The following ZFPM2 variants were observed in gnomAD, a reference collection of about 807,000 sequenced individuals.
The protein encoded by ZFPM2 is zinc finger protein ZFPM2.
In ZFPM2, 20 loss-of-function variants were observed where a neutral mutation model predicts 98.6. The observed-to-expected ratio is 0.20, with a 90% CI of 0.14 to 0.29. ZFPM2 has a LOEUF of 0.29. Among genes scored for constraint, ZFPM2 ranks in the 10% least tolerant of loss-of-function variants. ZFPM2 has a pLI of 1.00. For synonymous variants in ZFPM2, 518 were observed against 502.7 expected (o/e 1.03, Z -0.41); for missense variants, 1,310 against 1,388.6 (o/e 0.94, Z 0.90).
rs141084288 is a variant in ZFPM2 at position 105,388,973 on chromosome 8, A to G, written c.41-30171A>G. On this transcript the variant is annotated intron_variant, in intron 1 of 7. Coordinates refer to ENST00000407775, the MANE Select transcript of ZFPM2 (RefSeq NM_012082.4). ...AGGAGAGAACGTGCACATACAGAGG[A>G]GAGAGCTAATTTAGAAAACAAAACC... 5.3e-5 allele frequency among the ~76,000 whole-genome samples: 8 copies of G among 151,748 alleles called. No individual in the cohort carries two copies. The East Asian group carries it at 1.6e-3, about 30-fold the overall frequency.
At chr8:105,390,479 A>T (rs1437686482) in intron 1 of ZFPM2, among the ~76,000 whole-genome samples, 1 of 152,144 alleles carries the variant, frequency 6.6e-6, no homozygotes, top group Non-Finnish European at 1.5e-5. Context: ...GTGCTCACTA[A>T]CCAGGAAGCT....
chr8:105,374,303 A>G (rs1402044661), intron 1 of ZFPM2, among the ~76,000 whole-genome samples: 1 of 152,214 alleles, frequency 6.6e-6, no homozygotes, highest in Non-Finnish European at 1.5e-5. Flanking sequence ...AAGATACACA[A>G]CTTGCTAGAT....
intron 1 of ZFPM2, among the ~76,000 whole-genome samples, chr8:105,357,822 A>G (rs1014655175): frequency 2.0e-5 from 3 of 152,184 alleles, no homozygotes; most frequent in African/African-American, 7.2e-5. Context: ...TAACCATAGA[A>G]TGATGATGCC....
intron 3 of ZFPM2, among the ~76,000 whole-genome samples, chr8:105,486,992 A>G (rs1813241556): frequency 6.6e-6 from 1 of 152,176 alleles, no homozygotes; most frequent in Admixed American, 6.5e-5. Context: ...ATAAACTCAC[A>G]AGTCTGATGA....
intron 1 of ZFPM2, among the ~76,000 whole-genome samples, chr8:105,401,373 A>T (rs1362168717): frequency 6.6e-6 from 1 of 152,086 alleles, no homozygotes; most frequent in Non-Finnish European, 1.5e-5. Context: ...ATTCTGCTTG[A>T]TGTTTAAAAA....
At chr8:105,387,737 A>C (rs1465602685) in intron 1 of ZFPM2, 7 of 155,130 alleles carry the variant, frequency 4.5e-5, no homozygotes, top group Non-Finnish European at 8.5e-5. Flanking sequence ...AAGGGGCTCC[A>C]CCGTGCAGCG....
intron 3 of ZFPM2, among the ~76,000 whole-genome samples, chr8:105,558,562 A>G (rs1468033789): frequency 1.3e-5 from 2 of 152,184 alleles, no homozygotes; most frequent in African/African-American, 2.4e-5. Context: ...ATCACTTTAC[A>G]ATCTGCCCCA....
intron 3 of ZFPM2, among the ~76,000 whole-genome samples, chr8:105,462,811 A>G (rs755320180): frequency 2.0e-5 from 3 of 152,018 alleles, no homozygotes; most frequent in Non-Finnish European, 4.4e-5. Flanking sequence ...TAATTTCTGA[A>G]TGGCCAAAGA....
intron 4 of ZFPM2, among the ~76,000 whole-genome samples, chr8:105,588,880 G>T (rs1019356855): frequency 6.6e-6 from 1 of 152,194 alleles, no homozygotes; most frequent in Non-Finnish European, 1.5e-5. Flanking sequence ...CTGATGATGA[G>T]TAGGCTTGGT....
At position 105,788,801 on chromosome 8, in the gene ZFPM2, C is replaced by T. The variant is rs533282580; in HGVS notation, c.616C>T (p.Leu206=). ...CTTTGTGGTGGATTTTGACTCAAGG[C>T]TACAAGCTGCCAGTCAGATGACTCT... is the stretch of plus-strand genomic sequence containing the variant. ...IAFVVDFDSR[L]QAASQMTLTE... Residue 206 remains leucine, a synonymous_variant, in exon 6 of 8, where the codon CTA becomes TTA. Coordinates refer to ENST00000407775, the MANE Select transcript of ZFPM2 (RefSeq NM_012082.4). 2.5e-6 allele frequency: 4 copies of T among 1,613,970 alleles called. No individual in the cohort carries two copies. The Admixed American group carries it at 5.0e-5, about 20-fold the overall frequency.
intron 5 of ZFPM2, among the ~76,000 whole-genome samples, chr8:105,685,243 A>C (rs1810704821): frequency 6.6e-6 from 1 of 152,112 alleles, no homozygotes; most frequent in African/African-American, 2.4e-5. Context: ...CTGAATTTTC[A>C]ATTTTAACTA....
chr8:105,559,505 G>A (rs192234555), intron 3 of ZFPM2, among the ~76,000 whole-genome samples: 12 of 152,228 alleles, frequency 7.9e-5, no homozygotes, highest in Admixed American at 5.2e-4. Flanking sequence ...GAATGAAAGT[G>A]TTGTCACTGA....
chr8:105,728,750 T>G (rs11995327), intron 5 of ZFPM2, among the ~76,000 whole-genome samples: 9,317 of 151,884 alleles, frequency 0.061, 962 homozygotes, highest in African/African-American at 0.21. Flanking sequence ...TCAAATTAAG[T>G]TCCCTAATGT....
At chr8:105,577,648 A>T (rs1254722340) in intron 4 of ZFPM2, among the ~76,000 whole-genome samples, 1 of 151,978 alleles carries the variant, frequency 6.6e-6, no homozygotes, top group African/African-American at 2.4e-5. Flanking sequence ...AAGTACTCTA[A>T]TAGGTAATAT....
At chr8:105,524,978 T>C (rs1814144253) in intron 3 of ZFPM2, among the ~76,000 whole-genome samples, 8 of 152,140 alleles carry the variant, frequency 5.3e-5, no homozygotes, top group Admixed American at 5.2e-4. Flanking sequence ...AAAAAAAAAG[T>C]TCATCTCTCG....
intron 3 of ZFPM2, among the ~76,000 whole-genome samples, chr8:105,485,306 TG>T (rs1813209095): frequency 6.6e-6 from 1 of 151,576 alleles, no homozygotes; most frequent in African/African-American, 2.4e-5. Flanking sequence ...TTTGTTTGTT[TG>T]TTTGTTTGTT....
chr8:105,684,701 G>C (rs1313120739), intron 5 of ZFPM2, among the ~76,000 whole-genome samples: 1 of 152,030 alleles, frequency 6.6e-6, no homozygotes, highest in Non-Finnish European at 1.5e-5. Flanking sequence ...AGTGGGAAAA[G>C]TTAGTATCCT....
chr8:105,398,144 T>C (rs1322491473), intron 1 of ZFPM2, among the ~76,000 whole-genome samples: 1 of 152,210 alleles, frequency 6.6e-6, no homozygotes, highest in Non-Finnish European at 1.5e-5. Context: ...CTTAGATCAT[T>C]CATTCATTCA....
chr8:105,363,219 C>A (rs1810441047), intron 1 of ZFPM2, among the ~76,000 whole-genome samples: 2 of 152,124 alleles, frequency 1.3e-5, no homozygotes, highest in South Asian at 4.2e-4. Context: ...TCCATTTCAT[C>A]TATGGATAGT....
Sources: allele counts gnomAD v4.1 joint callset (sites outside exome capture counted in the v4.1 genomes callset), GRCh38; gene constraint gnomAD v4.1.1; transcripts MANE v1.5; gene names NCBI Gene and HGNC (gene_info 2026-07-23, HGNC 2026-07-21).